Variants in PCDHA4 observed in about 807,000 individuals in gnomAD.
PCDHA4 encodes protocadherin alpha 4.
Under a neutral mutation model 61.4 loss-of-function variants are expected in PCDHA4, and 49 were observed. The ratio of observed to expected loss-of-function variants is 0.80; its 90% CI spans 0.63 to 1.01. PCDHA4 has a LOEUF of 1.01. PCDHA4 is among the 50% of genes least tolerant of loss of function. The pLI, the probability that PCDHA4 is intolerant of heterozygous loss-of-function variation, is 0.00. For synonymous variants in PCDHA4, 590 were observed against 550.3 expected, an observed-to-expected ratio of 1.07 and a Z score of -1.01; for missense variants, 1,254 against 1,235.8, an observed-to-expected ratio of 1.01 and a Z score of -0.22.
intron 1 of PCDHA4, among the ~76,000 whole-genome samples, chr5:140,819,907 C>T (rs1766650524): frequency 6.6e-6 from 1 of 151,892 alleles, no homozygotes; most frequent in African/African-American, 2.4e-5. Flanking sequence ...TTACAATGTA[C>T]ACATTGTTAA....
chr5:140,946,080 A>T lies in PCDHA4; in HGVS notation c.2386-32869A>T, dbSNP rs74501731. ...GGGAGAAAATATTTGCAAACCACAG[A>T]TCTGATAAGGAGTTAACATACCAAA... On this transcript the variant is annotated intron_variant, in intron 1 of 3. Coordinates refer to ENST00000530339, the MANE Select transcript of PCDHA4 (RefSeq NM_018907.4). Among the ~76,000 whole-genome samples, 867 of 152,226 alleles carry T rather than the reference A, an allele frequency of 5.7e-3. 6 individuals carry two copies. Among genetic ancestry groups the T allele is most frequent in the African/African-American group, 0.02 (843 of 41,572 alleles).
intron 1 of PCDHA4, among the ~76,000 whole-genome samples, chr5:140,964,199 A>G (rs1183847716): frequency 1.3e-5 from 2 of 152,240 alleles, no homozygotes; most frequent in Non-Finnish European, 2.9e-5. Flanking sequence ...AGAGTATACC[A>G]TCTCTTTAGT....
chr5:140,968,357 C>A (rs1554230636), intron 1 of PCDHA4: 2 of 1,614,080 alleles, frequency 1.2e-6, no homozygotes, highest in Non-Finnish European at 1.7e-6. Flanking sequence ...CAGTGGCAGC[C>A]TTTATGCTGT....
Position 140,871,058 on chromosome 5 carries a change from A to C in PCDHA4, c.2385+61486A>C, listed in dbSNP as rs1179361194. Reference sequence around the variant, plus strand: ...CACCGACTTCTAGTACTGGTGAAGGATCACGGTGAGCCGGCGCTGACGGCC... The same window carrying C: ...CACCGACTTCTAGTACTGGTGAAGGCTCACGGTGAGCCGGCGCTGACGGCC... On this transcript the variant is annotated intron_variant, in intron 1 of 3. Transcript: ENST00000530339. 8 of 1,613,140 alleles carry C rather than the reference A, an allele frequency of 5.0e-6. No homozygotes were observed. The African/African-American group carries it at 6.7e-5, about 13-fold the overall frequency.
intron 1 of PCDHA4, chr5:140,883,464 C>G (rs1219426048): frequency 6.2e-7 from 1 of 1,614,044 alleles, no homozygotes; most frequent in African/African-American, 1.3e-5. Flanking sequence ...AAGCTGGTGT[C>G]CACCTACAAG....
At chr5:140,848,866 A>G (rs200652127) in intron 1 of PCDHA4, 6 of 1,590,776 alleles carry the variant, frequency 3.8e-6, no homozygotes, top group Admixed American at 1.7e-5. Flanking sequence ...GTGGAGGTGA[A>G]GGACATTAAC....
At position 140,834,165 on chromosome 5, in the gene PCDHA4, C is replaced by CT. The variant is rs2150213929; in HGVS notation, c.2385+24595dup. 4.2e-4 allele frequency: 228 copies of CT among 543,158 alleles called. No individual in the cohort carries two copies. In the Middle Eastern group the frequency reaches 4.3e-3, roughly 10 times the overall value. 33.6% of individuals were successfully genotyped at this position (543,158 alleles called of 1,614,324 possible). On this transcript the variant is annotated intron_variant, in intron 1 of 3. Coordinates refer to ENST00000530339, the MANE Select transcript of PCDHA4 (RefSeq NM_018907.4). ...AGTTTGTAATGGTTTGTAATTCTTA[C>CT]TTACATGATGGCCACATGATGTCGC...
At chr5:140,948,253 AT>A (rs1365335948) in intron 1 of PCDHA4, among the ~76,000 whole-genome samples, 1 of 151,624 alleles carries the variant, frequency 6.6e-6, no homozygotes, top group Non-Finnish European at 1.5e-5. Context: ...ATATTTTTAC[AT>A]CTGTGTTCAT....
At position 141,011,086 on chromosome 5, in the gene PCDHA4, C is replaced by T. The variant is rs1181884726; in HGVS notation, c.*1149C>T. The T allele has an allele frequency of 2.6e-5, 4 of 153,678 alleles. No homozygotes were observed. Among genetic ancestry groups the T allele is most frequent in the African/African-American group, 9.7e-5 (4 of 41,430 alleles). The allele number at this position is 153,678 out of a possible 1,614,324, so 9.5% of individuals were successfully genotyped here. On this transcript the variant is annotated 3_prime_UTR_variant, in exon 4 of 4. Coordinates refer to ENST00000530339, the MANE Select transcript of PCDHA4 (RefSeq NM_018907.4). ...TGTATTACTAAATAAAATGATCTCT[C>T]TTTCTCTCTCTCTCTCTCTTTTCTA...
intron 3 of PCDHA4, among the ~76,000 whole-genome samples, chr5:140,993,452 T>C (rs1218728585): frequency 1.5e-5 from 2 of 135,256 alleles, no homozygotes; most frequent in Non-Finnish European, 3.1e-5. Flanking sequence ...CTGTTCTCCT[T>C]CTTTCTTTCT....
chr5:140,892,468 C>T (rs1184778883), intron 1 of PCDHA4, among the ~76,000 whole-genome samples: 10 of 152,150 alleles, frequency 6.6e-5, no homozygotes, highest in Admixed American at 3.3e-4. Flanking sequence ...TACGGTTATT[C>T]AGTTTCCTAG....
At chr5:140,843,209 G>T (rs2150355357) in intron 1 of PCDHA4, 1 of 1,595,962 alleles carries the variant, frequency 6.3e-7, no homozygotes, top group African/African-American at 1.3e-5. Flanking sequence ...GTACACGGGC[G>T]AGATCAGCAC....
intron 1 of PCDHA4, among the ~76,000 whole-genome samples, chr5:140,925,189 C>T (rs1488098385): frequency 1.3e-5 from 2 of 152,116 alleles, no homozygotes; most frequent in Non-Finnish European, 1.5e-5. Context: ...TACCATCACC[C>T]AGCTTCAATA....
chr5:141,000,737 G>A (rs1449947824), intron 3 of PCDHA4, among the ~76,000 whole-genome samples: 21 of 149,738 alleles, frequency 1.4e-4, no homozygotes, highest in African/African-American at 5.0e-4. Context: ...CCCTATCTCT[G>A]TATATTAAAA....
rs782304851 is a variant in PCDHA4 at position 140,856,941 on chromosome 5, C to T, written c.2385+47369C>T. ...AGGAAATTTTGGATAAACGAAAGGA[C>T]GGGAGAAATAAAAGTAAATGATGCT... On this transcript the variant is annotated intron_variant, in intron 1 of 3. Coordinates refer to ENST00000530339, the MANE Select transcript of PCDHA4 (RefSeq NM_018907.4). The T allele has an allele frequency of 1.9e-6, 3 of 1,592,588 alleles. No homozygotes were observed. Among genetic ancestry groups the T allele is most frequent in the Admixed American group, 3.4e-5 (2 of 59,186 alleles).
In PCDHA4 at chr5:140,856,743, T is replaced by C. The variant is rs17844341; in HGVS notation, c.2385+47171T>C. On this transcript the variant is annotated intron_variant, in intron 1 of 3. Transcript: ENST00000530339. Reference sequence around the variant, plus strand: ...TCTGTTTCTCTGCTGATCCTGGTGTTAGATGCCAATGATAACGCCCCTATC... The same window carrying C: ...TCTGTTTCTCTGCTGATCCTGGTGTCAGATGCCAATGATAACGCCCCTATC... 190 of 1,596,776 alleles carry C rather than the reference T, an allele frequency of 1.2e-4. 4 individuals are homozygous for C. In the East Asian group the frequency reaches 4.1e-3, roughly 35 times the overall value.
chr5:140,843,088 C>G lies in PCDHA4; in HGVS notation c.2385+33516C>G, dbSNP rs1554139726. On this transcript the variant is annotated intron_variant, in intron 1 of 3. Coordinates refer to ENST00000530339, the MANE Select transcript of PCDHA4 (RefSeq NM_018907.4). Reference sequence around the variant, plus strand: ...TGCCGCGGTCTGTGGGCGCGGGCCACGTGGTAGCGAAGGTGCGCGCAGTGG... The same window carrying G: ...TGCCGCGGTCTGTGGGCGCGGGCCAGGTGGTAGCGAAGGTGCGCGCAGTGG... The G allele has an allele frequency of 7.5e-6, 12 of 1,595,530 alleles. 2 individuals carry two copies. Among genetic ancestry groups the G allele is most frequent in the African/African-American group, 6.7e-5 (5 of 74,528 alleles).
intron 1 of PCDHA4, chr5:140,875,945 CT>C (rs782069405): frequency 6.2e-7 from 1 of 1,614,144 alleles, no homozygotes; most frequent in South Asian, 1.1e-5. Flanking sequence ...GAGGGCGCTT[CT>C]GATGCGGATA....
At chr5:140,875,590 A>G (rs1554167782) in intron 1 of PCDHA4, 4 of 1,613,992 alleles carry the variant, frequency 2.5e-6, no homozygotes, top group Non-Finnish European at 3.4e-6. Flanking sequence ...CGAGGAGGCC[A>G]AACACGGCAC....
Sources: allele counts gnomAD v4.1 joint callset (sites outside exome capture counted in the v4.1 genomes callset), GRCh38; gene constraint gnomAD v4.1.1; transcripts MANE v1.5; gene names NCBI Gene and HGNC (gene_info 2026-07-23, HGNC 2026-07-21).